The following ZNF460 variants were observed in gnomAD, a reference collection of about 807,000 sequenced individuals.
The protein encoded by ZNF460 is zinc finger protein 460, also known as zinc finger protein 272.
A neutral mutation model predicts 8.4 loss-of-function variants in ZNF460; 1 was observed. The ratio of observed to expected loss-of-function variants is 0.12; its 90% CI spans 0.04 to 0.56. The LOEUF is 0.56. ZNF460 is among the 20% of genes least tolerant of loss of function. The pLI, the probability that ZNF460 is intolerant of heterozygous loss-of-function variation, is 0.91. For synonymous variants in ZNF460, 262 were observed against 259.9 expected (o/e 1.01, Z -0.08); for missense variants, 477 against 714.8 (o/e 0.67, Z 3.79).
At position 57,280,898 on chromosome 19, in the gene ZNF460, G is replaced by A; in HGVS notation, c.30+62G>A. ...CTATTTCTAGAGGCCTCGTGGGCAGGCTGGAAGCCAAGACAGCCACAGGAT... is the reference window on the plus strand; with the variant it reads ...CTATTTCTAGAGGCCTCGTGGGCAGACTGGAAGCCAAGACAGCCACAGGAT... On this transcript the variant is annotated intron_variant, in intron 1 of 2. Transcript: ENST00000360338. 5 of 1,606,074 alleles carry A rather than the reference G, an allele frequency of 3.1e-6. No individual in the cohort carries two copies. In the South Asian group the frequency reaches 4.4e-5, roughly 14 times the overall value.
Position 57,281,255 on chromosome 19 carries a change from G to A in ZNF460, c.30+419G>A, listed in dbSNP as rs548096497. ...TGCACTTCCTTTTACTTCGAACACT[G>A]CCCCTGTAACTTTGCAGGGCCTCCC... On this transcript the variant is annotated intron_variant, in intron 1 of 2. Transcript: ENST00000360338. Among the ~76,000 whole-genome samples, 52 of 152,016 alleles carry A rather than the reference G, an allele frequency of 3.4e-4. 1 individual carries two copies. The highest frequency in any genetic ancestry group is 6.6e-4 in the Non-Finnish European group (45 of 68,018).
Position 57,291,128 on chromosome 19 carries a change from A to G in ZNF460, c.587A>G (p.Tyr196Cys). ...CAGATTCTCCCTCGTGTGAAGCCCT[A>G]TGATTGCCCAGAATGTGGGAAAGCC... ...HEQILPRVKP[Y>C]DCPECGKAFG... Residue 196 changes from tyrosine to cysteine, a missense_variant, in exon 3 of 3, where the codon TAT becomes TGT. Around this residue, in one of 5 missense-constraint regions of ZNF460, gnomAD observed 193 missense variants for 391.7 expected, o/e 0.49. Coordinates refer to ENST00000360338, the MANE Select transcript of ZNF460 (RefSeq NM_006635.4). The surrounding 1 kb of genome is among the most constrained non-coding windows in gnomAD (Gnocchi z 8.4). The G allele has an allele frequency of 5.0e-6, 8 of 1,614,184 alleles. No homozygotes were observed. Among genetic ancestry groups the G allele is most frequent in the Non-Finnish European group, 6.8e-6 (8 of 1,180,042 alleles).
chr19:57,291,347 G>A lies in ZNF460; in HGVS notation c.806G>A (p.Arg269Gln), dbSNP rs779775925. The change falls in exon 3 of 3, where the codon CGG (arginine) becomes CAG (glutamine). Residue 269 changes from arginine (R) to glutamine (Q), a missense_variant. Transcript: ENST00000360338. This position sits in a 1 kb window ranked among gnomAD's most constrained non-coding sequence, Gnocchi z 8.4. ...TTCAATCGCGGGTCGCACCTTACACGGCACCAGCGGGTTCACAGTGGAGAG... is the reference window on the plus strand; with the variant it reads ...TTCAATCGCGGGTCGCACCTTACACAGCACCAGCGGGTTCACAGTGGAGAG... The part of the protein sequence containing the change: ...RTFNRGSHLT[R>Q]HQRVHSGEKP... 4.3e-6 allele frequency: 7 copies of A among 1,613,086 alleles called. No homozygotes were observed. The highest frequency in any genetic ancestry group is 2.2e-5 in the East Asian group (1 of 44,794).
rs1470645275 is a variant in ZNF460 at position 57,291,437 on chromosome 19, A to G, written c.896A>G (p.Asn299Ser). 1.2e-6 allele frequency: 2 copies of G among 1,614,062 alleles called. No individual in the cohort carries two copies. The highest frequency in any genetic ancestry group is 1.7e-6 in the Non-Finnish European group (2 of 1,179,938). The change falls in exon 3 of 3, where the codon AAC becomes AGC. Residue 299 changes from asparagine (N) to serine (S), a missense_variant. Physicochemically the swap from Asn to Ser is conservative, Grantham distance 46. Around this residue, in one of 5 missense-constraint regions of ZNF460, gnomAD observed 193 missense variants for 391.7 expected, o/e 0.49. Transcript: ENST00000360338. The surrounding 1 kb of genome is among the most constrained non-coding windows in gnomAD (Gnocchi z 8.4). ...FTYRSNFVLHNKSHNEKKPFA... is the reference protein window; with the variant it reads ...FTYRSNFVLHSKSHNEKKPFA... ...TACCGCTCCAATTTTGTCTTGCATA[A>G]CAAGAGCCACAATGAGAAGAAACCC...
intron 2 of ZNF460, among the ~76,000 whole-genome samples, chr19:57,290,163 C>G (rs989975382): frequency 6.6e-6 from 1 of 152,056 alleles, no homozygotes; most frequent in African/African-American, 2.4e-5. Context: ...AAAAAAAAGC[C>G]AAGCGTGGTA....
intron 1 of ZNF460, among the ~76,000 whole-genome samples, chr19:57,283,902 G>A (rs566925078): frequency 2.0e-5 from 3 of 152,206 alleles, no homozygotes; most frequent in South Asian, 2.1e-4. Context: ...GCAGGCACAC[G>A]TTGATTTCAG....
chr19:57,287,640 A>G (rs2087888913), intron 2 of ZNF460, among the ~76,000 whole-genome samples: 1 of 152,188 alleles, frequency 6.6e-6, no homozygotes, highest in Admixed American at 6.5e-5. Context: ...GCTTTAAAAG[A>G]AACTGCCCAG....
At chr19:57,281,646 A>G (rs541065655) in intron 1 of ZNF460, among the ~76,000 whole-genome samples, 47 of 142,884 alleles carry the variant, frequency 3.3e-4, no homozygotes, top group African/African-American at 1.2e-3. Context: ...GCTCACTGCA[A>G]CCTCCGCCTT....
chr19:57,289,415 C>G (rs1388505518), intron 2 of ZNF460, among the ~76,000 whole-genome samples: 1 of 152,128 alleles, frequency 6.6e-6, no homozygotes, highest in Non-Finnish European at 1.5e-5. Context: ...GCTGAAGACT[C>G]TGTGTCTTTG....
chr19:57,283,502 C>CTTTTTTTT lies in ZNF460; in HGVS notation c.31-1032_31-1025dup, dbSNP rs926242067. Among the ~76,000 whole-genome samples, 548 of 68,534 alleles carry CTTTTTTTT rather than the reference C, an allele frequency of 8.0e-3. 23 individuals are homozygous for CTTTTTTTT. Among genetic ancestry groups the CTTTTTTTT allele is most frequent in the East Asian group, 0.024 (44 of 1,868 alleles). 45.0% of individuals were successfully genotyped at this position (68,534 alleles called of 152,430 possible). ...TTTTTCTTTAGTTCTTTTGACTATTCTTTTTTTTTTTTTTTTTTTTTTTTG... is the reference window on the plus strand; with the variant it reads ...TTTTTCTTTAGTTCTTTTGACTATTCTTTTTTTTTTTTTTTTTTTTTTTTTTTTTTTTG... On this transcript the variant is annotated intron_variant, in intron 1 of 2. Transcript: ENST00000360338.
chr19:57,287,082 C>G (rs1008460911), intron 2 of ZNF460, among the ~76,000 whole-genome samples: 1 of 152,146 alleles, frequency 6.6e-6, no homozygotes, highest in Non-Finnish European at 1.5e-5. Context: ...TTTATGCCCT[C>G]GATAGCTTCT....
rs2087865011 is a variant in ZNF460, at chr19:57,284,496, T to TGTGC, written c.31-55_31-54insGTGC. ...TTTGCAGTGCTGGAGTGACAGGTTC[T>TGTGC]AATCCTATTCCACAGTTGCAAAGGA... On this transcript the variant is annotated intron_variant, in intron 1 of 2. Transcript: ENST00000360338. 1.9e-6 allele frequency: 3 copies of TGTGC among 1,591,314 alleles called. No individual in the cohort carries two copies. The African/African-American group carries it at 4.1e-5, about 22-fold the overall frequency.
chr19:57,282,500 G>A (rs181148135), intron 1 of ZNF460, among the ~76,000 whole-genome samples: 7 of 152,292 alleles, frequency 4.6e-5, no homozygotes, highest in East Asian at 1.9e-4. Context: ...GTGTCACCAC[G>A]TCAGGTGATT....
intron 2 of ZNF460, among the ~76,000 whole-genome samples, chr19:57,289,605 T>G (rs1413162826): frequency 6.6e-6 from 1 of 152,152 alleles, no homozygotes; most frequent in Non-Finnish European, 1.5e-5. Context: ...TAGAGTGTCA[T>G]CATTATGATG....
At position 57,290,738 on chromosome 19, in the gene ZNF460, C is replaced by T; in HGVS notation, c.197C>T (p.Ser66Phe). ...CCTGAGACCGTAGAGCCTATCCCTT[C>T]TCATCTGGCCTTGCCTGAGGAAGTC... ...TKPETVEPIP[S>F]HLALPEEVSL... The change falls in exon 3 of 3, where the codon TCT becomes TTT. Residue 66 changes from serine to phenylalanine, a missense_variant. Ser to Phe is a radical substitution (Grantham distance 155). This residue lies in a region of ZNF460 where 169 missense variants were observed against 178.6 expected (regional missense o/e 0.95). Coordinates refer to ENST00000360338, the MANE Select transcript of ZNF460 (RefSeq NM_006635.4). 6.2e-7 allele frequency: 1 copy of T among 1,614,212 alleles called. No homozygotes were observed. The highest frequency in any genetic ancestry group is 8.5e-7 in the Non-Finnish European group (1 of 1,180,030).
chr19:57,290,593 A>G (rs140494151), intron 2 of ZNF460, 106 bp from the exon 3 acceptor site: 5 of 1,142,144 alleles, frequency 4.4e-6, no homozygotes, highest in African/African-American at 1.6e-5. Context: ...AATCATAGCT[A>G]TTTTCAAATC....
Position 57,280,645 on chromosome 19 carries a change from C to T in ZNF460, c.-162C>T, listed in dbSNP as rs935070067. ...CACCGGCGCCCGCCGAGGCCTAGGC[C>T]TCCGCAGCCGCCCTCCGTCTCCTCA... On this transcript the variant is annotated 5_prime_UTR_variant, in exon 1 of 3. Transcript: ENST00000360338. 1 of 1,060,748 alleles carries T rather than the reference C, an allele frequency of 9.4e-7. No individual in the cohort carries two copies. Among genetic ancestry groups the T allele is most frequent in the Non-Finnish European group, 1.3e-6 (1 of 749,648 alleles). The allele number at this position is 1,060,748 out of a possible 1,614,324, so 65.7% of individuals were successfully genotyped here. A position where few individuals can be genotyped will look rare whatever the true frequency, so the allele number is the denominator to read the frequency against.
chr19:57,284,751 C>T (rs950947970), intron 2 of ZNF460, 74 bp downstream of exon 2: 11 of 1,471,518 alleles, frequency 7.5e-6, no homozygotes, highest in African/African-American at 1.4e-5. Flanking sequence ...ATCCTGGCTC[C>T]AGGCCTGGCT....
In ZNF460 at chr19:57,292,683, AT is replaced by A; in HGVS notation, c.*457del. 6.2e-6 allele frequency: 1 copy of A among 160,634 alleles called. No homozygotes were observed. Among genetic ancestry groups the A allele is most frequent in the South Asian group, 1.7e-4 (1 of 5,820 alleles). 10.0% of individuals were successfully genotyped at this position (160,634 alleles called of 1,614,324 possible). On this transcript the variant is annotated 3_prime_UTR_variant, in exon 3 of 3. Coordinates refer to ENST00000360338, the MANE Select transcript of ZNF460 (RefSeq NM_006635.4). The stretch of plus-strand genomic sequence containing the variant: ...CATGGCAATTTGTCATCCCCTCCTT[AT>A]TTTATTTGGGAGAGGGAAATGTTTC...
Sources: allele counts gnomAD v4.1 joint callset (sites outside exome capture counted in the v4.1 genomes callset), GRCh38; gene constraint gnomAD v4.1.1; regional missense constraint gnomAD v4.1.1; non-coding constraint Gnocchi (gnomAD v3.1); transcripts MANE v1.5; gene names NCBI Gene and HGNC (gene_info 2026-07-23, HGNC 2026-07-21).